LRRC8D: variants seen among roughly 807,000 people sequenced by gnomAD.
The protein encoded by LRRC8D is volume-regulated anion channel subunit LRRC8D.
A neutral mutation model predicts 55.8 loss-of-function variants in LRRC8D; 20 were observed. The observed-to-expected ratio is 0.36, with a 90% CI of 0.25 to 0.52. The LOEUF (loss-of-function observed/expected upper bound fraction) is 0.52, where lower values mean the gene tolerates loss of function less well. LRRC8D is among the 20% of genes least tolerant of loss of function. The pLI is 0.93. For missense variants in LRRC8D, 651 were observed against 1,030.8 expected, an observed-to-expected ratio of 0.63 and a Z score of 5.05; for synonymous variants, 352 against 377.0, an observed-to-expected ratio of 0.93 and a Z score of 0.77.
intron 1 of LRRC8D, among the ~76,000 whole-genome samples, chr1:89,825,453 G>A (rs1660740192): frequency 6.6e-6 from 1 of 152,214 alleles, no homozygotes; most frequent in South Asian, 2.1e-4. Context: ...AGTTTCTAAT[G>A]TTTTGTGCAA....
chr1:89,824,768 G>C (rs565852355), intron 1 of LRRC8D, among the ~76,000 whole-genome samples: 3 of 152,064 alleles, frequency 2.0e-5, no homozygotes, highest in African/African-American at 7.2e-5. Context: ...TCAGTTTATC[G>C]GCATCTCACA....
At chr1:89,912,386 C>A (rs1217974116) in intron 2 of LRRC8D, among the ~76,000 whole-genome samples, 2 of 152,040 alleles carry the variant, frequency 1.3e-5, no homozygotes, top group Non-Finnish European at 2.9e-5. Context: ...CCCCATCCTT[C>A]AATTTTCCAA....
Position 89,933,448 on chromosome 1 carries a change from CAAAG to C in LRRC8D, c.386_389del (p.Lys129ArgfsTer39). 2 of 1,614,046 alleles carry C rather than the reference CAAAG, an allele frequency of 1.2e-6. No homozygotes were observed. Among genetic ancestry groups the C allele is most frequent in the Non-Finnish European group, 8.5e-7 (1 of 1,180,012 alleles). On this transcript the variant is annotated frameshift_variant, in exon 3 of 3. Coordinates refer to ENST00000337338, the MANE Select transcript of LRRC8D (RefSeq NM_001134479.2). LOFTEE classifies it high-confidence loss of function. The surrounding 1 kb of genome is among the most constrained non-coding windows in gnomAD (Gnocchi z 7.0). ...GATTTCGCACTTCCAAATCAGGAGG[CAAAG>C]AAAGAGAAGAAAGATCCAACAGGTC...
At chr1:89,926,979 G>A (rs1455906506) in intron 2 of LRRC8D, among the ~76,000 whole-genome samples, 5 of 152,214 alleles carry the variant, frequency 3.3e-5, no homozygotes, top group Admixed American at 3.3e-4. Context: ...AGTTTAAATA[G>A]GATTCAGGCA....
At position 89,933,918 on chromosome 1, in the gene LRRC8D, G is replaced by A. The variant is rs1362284273; in HGVS notation, c.850G>A (p.Ala284Thr). Residue 284 changes from alanine (A) to threonine (T), a missense_variant, in exon 3 of 3, where the codon GCC (alanine) becomes ACC (threonine). Ala to Thr is a moderately conservative substitution (Grantham distance 58, BLOSUM62 0). Coordinates refer to ENST00000337338, the MANE Select transcript of LRRC8D (RefSeq NM_001134479.2). This position sits in a 1 kb window ranked among gnomAD's most constrained non-coding sequence, Gnocchi z 7.0. ...CCTGGATAAAAAGGATGGAGAGCAG[G>A]CCAAAGCCCTGTTTGAGAAAGTGAG... ...TILDKKDGEQAKALFEKVRKF... is the reference protein window; with the variant it reads ...TILDKKDGEQTKALFEKVRKF... The A allele has an allele frequency of 6.2e-7, 1 of 1,613,970 alleles. No individual in the cohort carries two copies. The highest frequency in any genetic ancestry group is 1.7e-5 in the Admixed American group (1 of 59,986).
intron 2 of LRRC8D, among the ~76,000 whole-genome samples, chr1:89,866,884 T>TTA (rs759671153): frequency 0.012 from 1,893 of 152,308 alleles, 25 homozygotes; most frequent in Non-Finnish European, 0.017. Flanking sequence ...ATCAGATAGA[T>TTA]ACTTACACTT....
At chr1:89,832,713 C>A (rs1030583775) in intron 1 of LRRC8D, among the ~76,000 whole-genome samples, 1 of 152,182 alleles carries the variant, frequency 6.6e-6, no homozygotes, top group Non-Finnish European at 1.5e-5. Flanking sequence ...AAGATCCTAT[C>A]AGGAAGTGAA....
chr1:89,934,430 G>T lies in LRRC8D; in HGVS notation c.1362G>T (p.Glu454Asp). 6.2e-7 allele frequency: 1 copy of T among 1,614,072 alleles called. No individual in the cohort carries two copies. Among genetic ancestry groups the T allele is most frequent in the Non-Finnish European group, 8.5e-7 (1 of 1,180,032 alleles). Residue 454 changes from glutamate to aspartate, a missense_variant, in exon 3 of 3, where the codon GAG (glutamate) becomes GAT (aspartate). Physicochemically the swap from Glu to Asp is conservative, Grantham distance 45. Transcript: ENST00000337338. The surrounding 1 kb of genome is among the most constrained non-coding windows in gnomAD (Gnocchi z 5.9). ...TTAGGGAAATTAGTTTGAACCATGA[G>T]TGGACATTTGAAAAACTCAGGCAGC... ...NKLREISLNHEWTFEKLRQHI... is the reference protein window; with the variant it reads ...NKLREISLNHDWTFEKLRQHI...
intron 2 of LRRC8D, among the ~76,000 whole-genome samples, chr1:89,887,059 A>G (rs973136972): frequency 3.9e-5 from 6 of 152,142 alleles, no homozygotes; most frequent in African/African-American, 1.4e-4. Flanking sequence ...AAAATGGGAG[A>G]AAAGTGTAAA....
chr1:89,874,310 G>C (rs572883799), intron 2 of LRRC8D, among the ~76,000 whole-genome samples: 2 of 152,180 alleles, frequency 1.3e-5, no homozygotes, highest in Non-Finnish European at 2.9e-5. Flanking sequence ...GAAGCTAGCT[G>C]TGTAGCTTTG....
intron 1 of LRRC8D, among the ~76,000 whole-genome samples, chr1:89,825,132 A>T (rs922467790): frequency 6.6e-6 from 1 of 152,150 alleles, no homozygotes; most frequent in Non-Finnish European, 1.5e-5. Flanking sequence ...TCTTCTAATT[A>T]TATCAGAGAG....
intron 2 of LRRC8D, among the ~76,000 whole-genome samples, chr1:89,844,656 A>G (rs531546158): frequency 1.3e-5 from 2 of 152,340 alleles, no homozygotes; most frequent in South Asian, 2.1e-4. Flanking sequence ...AAATGTTCAT[A>G]GGAGAATAAA....
chr1:89,856,432 T>TA (rs1661555305), intron 2 of LRRC8D, among the ~76,000 whole-genome samples: 1 of 152,210 alleles, frequency 6.6e-6, no homozygotes, highest in African/African-American at 2.4e-5. Context: ...AGAAAGAAAG[T>TA]AAATGCTCTT....
At chr1:89,898,987 A>C (rs1662781262) in intron 2 of LRRC8D, among the ~76,000 whole-genome samples, 1 of 152,208 alleles carries the variant, frequency 6.6e-6, no homozygotes, top group African/African-American at 2.4e-5. Flanking sequence ...AAGGAAAGGA[A>C]AGTTCCAAAA....
At chr1:89,852,300 A>G (rs1053632074) in intron 2 of LRRC8D, among the ~76,000 whole-genome samples, 2 of 152,206 alleles carry the variant, frequency 1.3e-5, no homozygotes, top group African/African-American at 4.8e-5. Flanking sequence ...CTTTATCAGT[A>G]TGGAAGTTCT....
chr1:89,933,007 C>T lies in LRRC8D; in HGVS notation c.-2-60C>T. On this transcript the variant is annotated intron_variant, in intron 2 of 2. Transcript: ENST00000337338. This position sits in a 1 kb window ranked among gnomAD's most constrained non-coding sequence, Gnocchi z 7.0. Reference sequence around the variant, plus strand: ...AGTTAGGAGCAGGCATAGGGTTTTTCTCATTTACTCTTTTCATTTGCATCT... The same window carrying T: ...AGTTAGGAGCAGGCATAGGGTTTTTTTCATTTACTCTTTTCATTTGCATCT... The T allele has an allele frequency of 3.4e-6, 5 of 1,484,160 alleles. No individual in the cohort carries two copies. In the South Asian group the frequency reaches 6.6e-5, roughly 20 times the overall value. The allele number at this position is 1,484,160 out of a possible 1,614,324, so 91.9% of individuals were successfully genotyped here.
intron 2 of LRRC8D, among the ~76,000 whole-genome samples, chr1:89,906,872 G>A (rs1169190361): frequency 6.6e-6 from 1 of 151,978 alleles, no homozygotes; most frequent in Non-Finnish European, 1.5e-5. Flanking sequence ...CATATAGTTT[G>A]CTTTTCCTGT....
At chr1:89,826,880 G>C (rs1660777987) in intron 1 of LRRC8D, among the ~76,000 whole-genome samples, 1 of 152,186 alleles carries the variant, frequency 6.6e-6, no homozygotes, top group African/African-American at 2.4e-5. Context: ...CAGACGATTT[G>C]CAGGTGAGTT....
rs761759816 is a variant in LRRC8D at position 89,934,760 on chromosome 1, G to A, written c.1692G>A (p.Glu564=). 1.9e-6 allele frequency: 3 copies of A among 1,614,134 alleles called. No individual in the cohort carries two copies. The Admixed American group carries it at 5.0e-5, about 27-fold the overall frequency. Residue 564 remains glutamate (E), a synonymous_variant, in exon 3 of 3, where the codon GAG becomes GAA. Coordinates refer to ENST00000337338, the MANE Select transcript of LRRC8D (RefSeq NM_001134479.2). The surrounding 1 kb of genome is among the most constrained non-coding windows in gnomAD (Gnocchi z 5.9). ...TGTATTTGCTCAAAAACCTTCGAGA[G>A]TTGTACTTAATAGGCAATTTGAACT... The part of the protein sequence containing the change: ...AWVYLLKNLR[E]LYLIGNLNSE...
Sources: gnomAD v4.1 joint callset for allele counts (sites outside exome capture counted in the v4.1 genomes callset) on GRCh38, gnomAD v4.1.1 for gene constraint, Gnocchi (gnomAD v3.1) non-coding constraint, MANE v1.5 for transcripts, NCBI Gene and HGNC (gene_info 2026-07-23, HGNC 2026-07-21) for gene names.